Variants in NHS observed in about 807,000 individuals in gnomAD.
The protein encoded by NHS is actin remodeling regulator NHS.
NHS carries 5 observed loss-of-function variants against 72.5 expected under a neutral mutation model. The ratio of observed to expected loss-of-function variants is 0.07; its 90% confidence interval spans 0.04 to 0.14. The LOEUF (loss-of-function observed/expected upper bound fraction) is 0.14. NHS is among the 10% of genes least tolerant of loss of function. NHS has a pLI of 1.00. For missense variants in NHS, 1,072 were observed against 1,355.7 expected (o/e 0.79, Z 3.29); for synonymous variants, 464 against 547.7 (o/e 0.85, Z 2.13).
intron 1 of NHS, among the ~76,000 whole-genome samples, chrX:17,500,530 G>A (rs1440232722): frequency 8.9e-6 from 1 of 111,738 alleles, no homozygotes; most frequent in South Asian, 3.8e-4. Context: ...TGGTTGTAAT[G>A]TCTGGCCACG....
At chrX:17,582,819 A>G (rs915426927) in intron 1 of NHS, among the ~76,000 whole-genome samples, 6 of 112,653 alleles carry the variant, frequency 5.3e-5, no homozygotes, top group African/African-American at 1.9e-4. Flanking sequence ...CCCAGATTGT[A>G]TAAGTGTGTG....
intron 1 of NHS, among the ~76,000 whole-genome samples, chrX:17,574,072 C>A (rs374783191): frequency 9.0e-6 from 1 of 111,222 alleles, no homozygotes; most frequent in Non-Finnish European, 1.9e-5. Flanking sequence ...CAGAGGGGCA[C>A]CTGCCTATAT....
chrX:17,501,790 G>C (rs1427895201), intron 1 of NHS, among the ~76,000 whole-genome samples: 1 of 112,271 alleles, frequency 8.9e-6, no homozygotes, highest in Non-Finnish European at 1.9e-5. Flanking sequence ...GAATGTTCCA[G>C]GACGGTGATG....
chrX:17,520,723 C>T (rs894402617), intron 1 of NHS, among the ~76,000 whole-genome samples: 1 of 111,911 alleles, frequency 8.9e-6, no homozygotes, highest in Admixed American at 9.4e-5. Context: ...TGAAATTGTG[C>T]AAGCATGAAC....
chrX:17,522,951 T>G (rs1411797727), intron 1 of NHS, among the ~76,000 whole-genome samples: 2 of 111,677 alleles, frequency 1.8e-5, no homozygotes, highest in African/African-American at 6.5e-5. Flanking sequence ...AGGTTTGCAC[T>G]GGTGTATGGT....
rs2064339232 is a variant in NHS at position 17,375,229 on chromosome X, C to G, written c.-529C>G. 8.9e-6 allele frequency among the ~76,000 whole-genome samples: 1 copy of G among 112,168 alleles called. No individual in the cohort carries two copies. The highest frequency in any genetic ancestry group is 1.9e-5 in the Non-Finnish European group (1 of 53,045). ...CGCCTTTCCGAAACCTCCTCCCCGC[C>G]CAGCCAGGGAGAGAGATCCCGGGCG... On this transcript the variant is annotated 5_prime_UTR_variant, in exon 1 of 9. Coordinates refer to ENST00000676302, the MANE Select transcript of NHS (RefSeq NM_001291867.2).
rs920642814 is a variant in NHS, at chrX:17,530,050, G to A, written c.565+153728G>A. The stretch of plus-strand genomic sequence containing the variant: ...CCTTTTTTCTTCCCTCTATTTCTGG[G>A]CCACAGAGAGGAAAGAACAAAGATG... On this transcript the variant is annotated intron_variant, in intron 1 of 8. Transcript: ENST00000676302. Among the ~76,000 whole-genome samples the A allele has an allele frequency of 2.7e-5, 3 of 110,674 alleles. No homozygotes were observed. In the Admixed American group the frequency reaches 2.9e-4, roughly 11 times the overall value.
At chrX:17,592,010 ATGTG>A (rs57852279) in intron 1 of NHS, among the ~76,000 whole-genome samples, 5,064 of 104,682 alleles carry the variant, frequency 0.048, 317 homozygotes, top group African/African-American at 0.16. Flanking sequence ...TGGTCCACTG[ATGTG>A]TGTGTGTGTG....
rs193239639 is a variant in NHS, at chrX:17,637,322, T to C, written c.566-50420T>C. ...AAGATGAGAAAGCCTTTAGAATAGCTCGACCCAGTTTTCCCTCAAGACTTG... is the reference window on the plus strand; with the variant it reads ...AAGATGAGAAAGCCTTTAGAATAGCCCGACCCAGTTTTCCCTCAAGACTTG... On this transcript the variant is annotated intron_variant, in intron 1 of 8. Transcript: ENST00000676302. Among the ~76,000 whole-genome samples the C allele has an allele frequency of 2.7e-5, 3 of 111,978 alleles. No individual in the cohort carries two copies. In the East Asian group the frequency reaches 8.4e-4, roughly 31 times the overall value.
chrX:17,575,652 C>A (rs192309776), intron 1 of NHS, among the ~76,000 whole-genome samples: 60 of 112,105 alleles, frequency 5.4e-4, no homozygotes, highest in African/African-American at 1.8e-3. Context: ...CTTTACTTCC[C>A]CCACTAAACT....
chrX:17,617,286 A>C (rs1417095186), intron 1 of NHS, among the ~76,000 whole-genome samples: 1 of 112,068 alleles, frequency 8.9e-6, no homozygotes, highest in Non-Finnish European at 1.9e-5. Flanking sequence ...CCAGCATCTC[A>C]CAGCACATGA....
rs189797370 is a variant in NHS at position 17,426,309 on chromosome X, C to T, written c.565+49987C>T. On this transcript the variant is annotated intron_variant, in intron 1 of 8. Transcript: ENST00000676302. ...TAACACGTAACATCACTTATGGGGG[C>T]TGTTTAGCTTCAGGGGAGGAAATCC... Among the ~76,000 whole-genome samples, 13 of 112,025 alleles carry T rather than the reference C, an allele frequency of 1.2e-4. No homozygotes were observed. In the East Asian group the frequency reaches 3.7e-3, roughly 32 times the overall value.
At chrX:17,610,798 G>A (rs979890890) in intron 1 of NHS, among the ~76,000 whole-genome samples, 6 of 112,191 alleles carry the variant, frequency 5.3e-5, no homozygotes, top group African/African-American at 1.9e-4. Flanking sequence ...TTGTCTGGGC[G>A]GTGATAACAC....
intron 1 of NHS, among the ~76,000 whole-genome samples, chrX:17,422,156 A>G (rs2064627178): frequency 8.9e-6 from 1 of 112,347 alleles, no homozygotes; most frequent in South Asian, 3.7e-4. Context: ...TTTGAACTTC[A>G]TATAAATGGA....
In NHS at chrX:17,727,432, A is replaced by G; in HGVS notation, c.3326A>G (p.His1109Arg). 4 of 1,211,751 alleles carry G rather than the reference A, an allele frequency of 3.3e-6. No individual in the cohort carries two copies. The highest frequency in any genetic ancestry group is 4.5e-6 in the Non-Finnish European group (4 of 895,443). The change falls in exon 7 of 9, where the codon CAT (histidine) becomes CGT (arginine). Residue 1109 changes from histidine to arginine, a missense_variant. Physicochemically the swap from His to Arg is conservative, Grantham distance 29. Transcript: ENST00000676302. ...NKPFHHRHPLHVFTHNKQNTV... is the reference protein window; with the variant it reads ...NKPFHHRHPLRVFTHNKQNTV... ...CCATTCCACCACCGTCATCCACTGC[A>G]TGTTTTTACTCATAATAAGCAGAAC...
At position 17,561,213 on chromosome X, in the gene NHS, C is replaced by T. The variant is rs562296750; in HGVS notation, c.566-126529C>T. ...TCGAATTTCCCATTGACTCTATTTTCCTTGGCTGAATAGATGTTGTTGCTC... is the reference window on the plus strand; with the variant it reads ...TCGAATTTCCCATTGACTCTATTTTTCTTGGCTGAATAGATGTTGTTGCTC... On this transcript the variant is annotated intron_variant, in intron 1 of 8. Transcript: ENST00000676302. Among the ~76,000 whole-genome samples the T allele has an allele frequency of 6.2e-5, 7 of 112,271 alleles. No individual in the cohort carries two copies. In the South Asian group the frequency reaches 2.2e-3, roughly 36 times the overall value.
rs903633777 is a variant in NHS, at chrX:17,544,626, C to T, written c.566-143116C>T. Among the ~76,000 whole-genome samples, 5 of 111,855 alleles carry T rather than the reference C, an allele frequency of 4.5e-5. No homozygotes were observed. In the East Asian group the frequency reaches 1.4e-3, roughly 32 times the overall value. On this transcript the variant is annotated intron_variant, in intron 1 of 8. Coordinates refer to ENST00000676302, the MANE Select transcript of NHS (RefSeq NM_001291867.2). Reference sequence around the variant, plus strand: ...TCCCGGGTTCAAGCGAATCTCCCTGCCTCAGCCTCCTGAGTAGCTGGGATT... The same window carrying T: ...TCCCGGGTTCAAGCGAATCTCCCTGTCTCAGCCTCCTGAGTAGCTGGGATT...
At position 17,726,868 on chromosome X, in the gene NHS, G is replaced by A. The variant is rs772637705; in HGVS notation, c.2762G>A (p.Gly921Asp). Residue 921 changes from glycine (G) to aspartate (D), a missense_variant, in exon 7 of 9, where the codon GGC (glycine) becomes GAC (aspartate). Physicochemically the swap from Gly to Asp is moderately conservative, Grantham distance 94. Transcript: ENST00000676302. Reference protein sequence around the residue: ...EPSWINQSEQGIKEPQLDASD... With the variant: ...EPSWINQSEQDIKEPQLDASD... ...TCTTGGATAAACCAGAGTGAACAAG[G>A]CATTAAGGAACCTCAGTTAGATGCT... The A allele has an allele frequency of 7.6e-5, 92 of 1,210,201 alleles. No individual in the cohort carries two copies. The South Asian group carries it at 1.5e-3, about 20-fold the overall frequency.
chrX:17,502,595 C>T (rs1170392235), intron 1 of NHS, among the ~76,000 whole-genome samples: 1 of 19,432 alleles, frequency 5.1e-5, no homozygotes, highest in Non-Finnish European at 1.4e-4. Flanking sequence ...CGAGACCATC[C>T]TGGCTAACAC....
Sources: allele counts gnomAD v4.1 joint callset (sites outside exome capture counted in the v4.1 genomes callset), GRCh38; gene constraint gnomAD v4.1.1; transcripts MANE v1.5; gene names NCBI Gene and HGNC (gene_info 2026-07-23, HGNC 2026-07-21).